MACROD1: variants seen among roughly 807,000 people sequenced by gnomAD.
The protein encoded by MACROD1 is ADP-ribose glycohydrolase MACROD1.
In MACROD1, 31 loss-of-function variants were observed where a neutral mutation model predicts 41.4. The observed-to-expected ratio is 0.75, with a 90% CI of 0.56 to 1.01. The LOEUF (loss-of-function observed/expected upper bound fraction) is 1.01, where lower values mean the gene tolerates loss of function less well. Ranked by LOEUF, MACROD1 falls within the 50% of genes least tolerant of loss-of-function variation. The pLI is 0.00. For missense variants in MACROD1, 473 were observed against 460.0 expected, an observed-to-expected ratio of 1.03 and a Z score of -0.26; for synonymous variants, 252 against 203.4, an observed-to-expected ratio of 1.24 and a Z score of -2.03.
intron 3 of MACROD1, among the ~76,000 whole-genome samples, chr11:64,052,663 A>G (rs1009089855): frequency 6.6e-6 from 1 of 152,228 alleles, no homozygotes; most frequent in African/African-American, 2.4e-5. Context: ...TGACCTGGGC[A>G]TCCCTGATAG....
intron 3 of MACROD1, among the ~76,000 whole-genome samples, chr11:64,046,859 G>T (rs1335938926): frequency 3.9e-5 from 6 of 152,146 alleles, no homozygotes; most frequent in Admixed American, 3.3e-4. Flanking sequence ...CCCCATCCCT[G>T]CCTCTCCCCA....
chr11:64,066,447 T>C (rs1175466636), intron 3 of MACROD1, among the ~76,000 whole-genome samples: 2 of 151,002 alleles, frequency 1.3e-5, no homozygotes, highest in Non-Finnish European at 2.9e-5. Context: ...AACCCCGCTA[T>C]CTCTACAAAA....
At chr11:64,009,787 C>CCCCTGAGACTG in intron 4 of MACROD1, among the ~76,000 whole-genome samples, 1 of 152,344 alleles carries the variant, frequency 6.6e-6, no homozygotes, top group Middle Eastern at 3.4e-3. Flanking sequence ...CTTCTCTGCT[C>CCCCTGAGACTG]CCCTGAGACT....
At chr11:64,157,122 T>G (rs1325137991) in intron 1 of MACROD1, among the ~76,000 whole-genome samples, 2 of 152,008 alleles carry the variant, frequency 1.3e-5, no homozygotes, top group Admixed American at 1.3e-4. Flanking sequence ...AGACAGAGTC[T>G]CACTCTGTCA....
chr11:64,056,882 G>A (rs1290008954), intron 3 of MACROD1, among the ~76,000 whole-genome samples: 1 of 152,146 alleles, frequency 6.6e-6, no homozygotes, highest in Non-Finnish European at 1.5e-5. Context: ...TAGACCCAAG[G>A]TACCAGGGTC....
At position 64,045,605 on chromosome 11, in the gene MACROD1, G is replaced by A. The variant is rs540767303; in HGVS notation, c.518-30324C>T. ...GCCGAGGGAGCAGCGGCGTTCAGCTGGGGTAGCCACCTTGCTGCGTCCTGA... is the reference window on the plus strand; with the variant it reads ...GCCGAGGGAGCAGCGGCGTTCAGCTAGGGTAGCCACCTTGCTGCGTCCTGA... On this transcript the variant is annotated intron_variant, in intron 3 of 10. Transcript: ENST00000255681. 4.6e-5 allele frequency among the ~76,000 whole-genome samples: 7 copies of A among 152,288 alleles called. No homozygotes were observed. In the South Asian group the frequency reaches 1.4e-3, roughly 32 times the overall value.
Position 64,095,731 on chromosome 11 carries a change from G to A in MACROD1, c.517+55508C>T, listed in dbSNP as rs35741938. Among the ~76,000 whole-genome samples the A allele has an allele frequency of 7.6e-3, 1,161 of 152,344 alleles. 5 individuals are homozygous for A. Among genetic ancestry groups the A allele is most frequent in the Non-Finnish European group, 0.01 (697 of 68,032 alleles). On this transcript the variant is annotated intron_variant, in intron 3 of 10. Transcript: ENST00000255681. Reference sequence around the variant, plus strand: ...GGTTTCTAGATGCAGCAGGCGGAGGGAGGTGCTGCACACTGGACCCCCAGC... The same window carrying A: ...GGTTTCTAGATGCAGCAGGCGGAGGAAGGTGCTGCACACTGGACCCCCAGC...
At chr11:64,155,836 T>C (rs549954301) in intron 1 of MACROD1, among the ~76,000 whole-genome samples, 1 of 151,398 alleles carries the variant, frequency 6.6e-6, no homozygotes, top group Non-Finnish European at 1.5e-5. Context: ...CGGCCGGGCA[T>C]GGTGGCTCAC....
rs569888352 is a variant in MACROD1 at position 64,097,526 on chromosome 11, C to T, written c.517+53713G>A. Among the ~76,000 whole-genome samples, 255 of 152,396 alleles carry T rather than the reference C, an allele frequency of 1.7e-3. 2 individuals are homozygous for T. Among genetic ancestry groups the T allele is most frequent in the South Asian group, 5.4e-3 (26 of 4,834 alleles). The stretch of plus-strand genomic sequence containing the variant: ...GGGTGGGCGCTGGCAAAGGCCCAGG[C>T]CCGCCGGCCGGGCGGCACAGACTCC... On this transcript the variant is annotated intron_variant, in intron 3 of 10. Coordinates refer to ENST00000255681, the MANE Select transcript of MACROD1 (RefSeq NM_014067.4).
chr11:64,105,502 A>T (rs182710866), intron 3 of MACROD1, among the ~76,000 whole-genome samples: 30 of 152,192 alleles, frequency 2.0e-4, no homozygotes, highest in Admixed American at 9.2e-4. Context: ...TGCACTGGGG[A>T]TGCAGCCTGT....
At chr11:64,091,194 C>T (rs2134523185) in intron 3 of MACROD1, among the ~76,000 whole-genome samples, 1 of 151,860 alleles carries the variant, frequency 6.6e-6, no homozygotes, top group East Asian at 1.9e-4. Flanking sequence ...GCTCCTGGGG[C>T]AAGGGAAGTG....
chr11:64,151,596 T>C (rs1449346981), intron 2 of MACROD1, among the ~76,000 whole-genome samples: 1 of 152,166 alleles, frequency 6.6e-6, no homozygotes, highest in Non-Finnish European at 1.5e-5. Context: ...ACAGTGCCAA[T>C]ATCATCTATC....
At chr11:64,116,754 G>T (rs776450353) in intron 3 of MACROD1, 24 of 1,613,438 alleles carry the variant, frequency 1.5e-5, no homozygotes, top group Non-Finnish European at 1.9e-5. Context: ...TGACAACTCC[G>T]TGTCCACCGT....
chr11:64,098,649 G>C (rs762259180), intron 3 of MACROD1, among the ~76,000 whole-genome samples: 1 of 152,172 alleles, frequency 6.6e-6, no homozygotes, highest in African/African-American at 2.4e-5. Context: ...CATCTATAAA[G>C]GTCAGATACA....
chr11:64,010,375 A>G (rs111345432), intron 4 of MACROD1, among the ~76,000 whole-genome samples: 3,997 of 77,382 alleles, frequency 0.052, 233 homozygotes, highest in Admixed American at 0.24. Context: ...GTTGGCTGGG[A>G]TGTTGGCTGG....
intron 8 of MACROD1, 80 bp downstream of exon 8, chr11:63,999,251 C>CCTGA (rs1387469553): frequency 7.3e-6 from 11 of 1,504,190 alleles, no homozygotes; most frequent in Middle Eastern, 4.6e-4. Context: ...CGCTCTGCAC[C>CCTGA]CTGACTCCCT....
chr11:64,087,747 T>G (rs1238199130), intron 3 of MACROD1, among the ~76,000 whole-genome samples: 4 of 152,226 alleles, frequency 2.6e-5, no homozygotes, highest in Non-Finnish European at 5.9e-5. Flanking sequence ...GTCCACCCAG[T>G]ACACAGAGCA....
At chr11:64,029,077 T>G (rs1171452207) in intron 3 of MACROD1, among the ~76,000 whole-genome samples, 1 of 152,204 alleles carries the variant, frequency 6.6e-6, no homozygotes, top group Non-Finnish European at 1.5e-5. Flanking sequence ...GCACCATCTG[T>G]GGCCTTAGCT....
chr11:64,020,905 C>G (rs944176792), intron 3 of MACROD1, among the ~76,000 whole-genome samples: 12 of 151,936 alleles, frequency 7.9e-5, no homozygotes, highest in Non-Finnish European at 1.6e-4. Context: ...TTTTTAGAGA[C>G]GGGGTTTCAC....
Sources: gnomAD v4.1 joint callset for allele counts (sites outside exome capture counted in the v4.1 genomes callset) on GRCh38, gnomAD v4.1.1 for gene constraint, MANE v1.5 for transcripts, NCBI Gene and HGNC (gene_info 2026-07-23, HGNC 2026-07-21) for gene names.